MSN: variants seen among roughly 807,000 people sequenced by gnomAD.
The protein encoded by MSN is moesin, also known as epididymis luminal protein 70.
A neutral mutation model predicts 48.0 loss-of-function variants in MSN; 2 were observed. The ratio of observed to expected loss-of-function variants is 0.04; its 90% CI spans 0.02 to 0.13. MSN has a LOEUF of 0.13. MSN is among the 10% of genes least tolerant of loss of function. The pLI, the probability that MSN is intolerant of heterozygous loss-of-function variation, is 1.00. For synonymous variants in MSN, 146 were observed against 166.9 expected (o/e 0.87, Z 0.97); for missense variants, 267 against 470.1 (o/e 0.57, Z 3.99).
chrX:65,703,307 T>C (rs1464402126), intron 1 of MSN, among the ~76,000 whole-genome samples: 1 of 111,478 alleles, frequency 9.0e-6, no homozygotes, highest in Non-Finnish European at 1.9e-5. Flanking sequence ...GTCTGTTATG[T>C]TAACTTAAAT....
chrX:65,598,716 G>T (rs757002676), intron 1 of MSN, among the ~76,000 whole-genome samples: 1 of 111,547 alleles, frequency 9.0e-6, no homozygotes, highest in Non-Finnish European at 1.9e-5. Flanking sequence ...CTTGAGGTTT[G>T]TCAGTCTGTC....
At chrX:65,676,167 G>A (rs1423150194) in intron 1 of MSN, among the ~76,000 whole-genome samples, 1 of 112,024 alleles carries the variant, frequency 8.9e-6, no homozygotes, top group Non-Finnish European at 1.9e-5. Flanking sequence ...GGTTGTTAGA[G>A]GTGGAGGAGT....
chrX:65,662,231 G>A (rs907842810), intron 1 of MSN, among the ~76,000 whole-genome samples: 5 of 112,319 alleles, frequency 4.5e-5, no homozygotes, highest in Admixed American at 9.5e-5. Context: ...CAGATTCAAC[G>A]TTATTCCCAT....
At chrX:65,598,022 G>C (rs775338264) in intron 1 of MSN, among the ~76,000 whole-genome samples, 66 of 111,374 alleles carry the variant, frequency 5.9e-4, no homozygotes, top group Non-Finnish European at 8.7e-4. Flanking sequence ...CCTTCCCAAG[G>C]AGCAGGGAAC....
chrX:65,609,697 C>T (rs1170511354), intron 1 of MSN, among the ~76,000 whole-genome samples: 1 of 111,577 alleles, frequency 9.0e-6, no homozygotes, highest in Non-Finnish European at 1.9e-5. Context: ...TCCTGGCTAA[C>T]ACGGTGAAAC....
chrX:65,631,238 C>A (rs1240911989), intron 1 of MSN, among the ~76,000 whole-genome samples: 1 of 109,981 alleles, frequency 9.1e-6, no homozygotes, highest in Non-Finnish European at 1.9e-5. Context: ...GGATTACAGG[C>A]GCCCACCACC....
intron 1 of MSN, among the ~76,000 whole-genome samples, chrX:65,615,334 G>A (rs1327117029): frequency 4.6e-5 from 5 of 107,941 alleles, no homozygotes; most frequent in Non-Finnish European, 9.5e-5. Context: ...GTGTAAAAGT[G>A]TTCCTATTTC....
intron 1 of MSN, among the ~76,000 whole-genome samples, chrX:65,701,232 A>T (rs2071300330): frequency 9.0e-6 from 1 of 111,716 alleles, no homozygotes; most frequent in South Asian, 3.7e-4. Flanking sequence ...AAGTATCTGA[A>T]CTGTCTGTTT....
At chrX:65,715,415 G>A (rs968388853) in intron 1 of MSN, among the ~76,000 whole-genome samples, 1 of 111,832 alleles carries the variant, frequency 8.9e-6, no homozygotes. Context: ...ATTGCTTTGG[G>A]CAGTATCACC....
At chrX:65,655,830 G>A (rs2070776932) in intron 1 of MSN, among the ~76,000 whole-genome samples, 1 of 112,260 alleles carries the variant, frequency 8.9e-6, no homozygotes, top group African/African-American at 3.2e-5. Context: ...GCAGTGGCGT[G>A]ACCTTGGCTC....
At chrX:65,685,008 G>A (rs2071099558) in intron 1 of MSN, among the ~76,000 whole-genome samples, 1 of 112,559 alleles carries the variant, frequency 8.9e-6, no homozygotes, top group East Asian at 2.8e-4. Flanking sequence ...CAAAGTGTTG[G>A]GATTAAAGGC....
At chrX:65,673,532 G>A (rs980855031) in intron 1 of MSN, among the ~76,000 whole-genome samples, 2 of 108,301 alleles carry the variant, frequency 1.8e-5, no homozygotes, top group Non-Finnish European at 3.8e-5. Flanking sequence ...TCAGCTCACT[G>A]CAACCTCCAC....
chrX:65,687,960 C>A lies in MSN; in HGVS notation c.12+20107C>A, dbSNP rs1004694624. On this transcript the variant is annotated intron_variant, in intron 1 of 12. Coordinates refer to ENST00000360270, the MANE Select transcript of MSN (RefSeq NM_002444.3). ...GCTTAACATCCCAGAAAAAGAAATTCTAGGGTTAGGAAGCTGGAAAGGATT... is the reference window on the plus strand; with the variant it reads ...GCTTAACATCCCAGAAAAAGAAATTATAGGGTTAGGAAGCTGGAAAGGATT... 3.6e-5 allele frequency among the ~76,000 whole-genome samples: 4 copies of A among 111,859 alleles called. No homozygotes were observed. In the Admixed American group the frequency reaches 3.8e-4, roughly 11 times the overall value.
At position 65,649,500 on chromosome X, in the gene MSN, C is replaced by T. The variant is rs1406357946; in HGVS notation, c.-22+60888C>T. ...CTGAGGCAGGAGATTTGCTTGAACC[C>T]GGGAGGCGGAGGTTGCAGTGAGCCG... On this transcript the variant is annotated intron_variant, in intron 1 of 3. Transcript: ENST00000609672. Among the ~76,000 whole-genome samples, 4 of 101,271 alleles carry T rather than the reference C, an allele frequency of 3.9e-5. 1 individual carries two copies. Among genetic ancestry groups the T allele is most frequent in the Admixed American group, 1.1e-4 (1 of 9,072 alleles). 87.9% of individuals were successfully genotyped at this position (101,271 alleles called of 115,157 possible).
Position 65,706,685 on chromosome X carries a change from CTCCAGGAATG to C in MSN, c.13-10127_13-10118del, listed in dbSNP as rs748099227. Among the ~76,000 whole-genome samples, 178 of 111,976 alleles carry C rather than the reference CTCCAGGAATG, an allele frequency of 1.6e-3. 1 individual carries two copies. Among genetic ancestry groups the C allele is most frequent in the African/African-American group, 5.7e-3 (175 of 30,795 alleles). ...GAGGTGGGTGGAGTTGTGGAAGGAG[CTCCAGGAATG>C]TCCAGAAGACCCGCCTCCACTACTT... On this transcript the variant is annotated intron_variant, in intron 1 of 12. Transcript: ENST00000360270.
At chrX:65,723,817 C>G (rs7062766) in intron 2 of MSN, among the ~76,000 whole-genome samples, 19,496 of 110,759 alleles carry the variant, frequency 0.18, 4,242 homozygotes, top group African/African-American at 0.61. Context: ...TGTTCTTTTT[C>G]AGTTTCAATT....
chrX:65,675,175 G>A, intron 1 of MSN, among the ~76,000 whole-genome samples: 1 of 112,150 alleles, frequency 8.9e-6, no homozygotes, highest in Non-Finnish European at 1.9e-5. Flanking sequence ...TTTACCATAA[G>A]GGATAGAAAT....
chrX:65,719,813 G>A, intron 2 of MSN, among the ~76,000 whole-genome samples: 1 of 111,711 alleles, frequency 9.0e-6, no homozygotes, highest in Non-Finnish European at 1.9e-5. Context: ...GCATTGCAGG[G>A]GGATGGCTGT....
At chrX:65,695,523 A>AAAC (rs2071227097) in intron 1 of MSN, among the ~76,000 whole-genome samples, 1 of 107,113 alleles carries the variant, frequency 9.3e-6, no homozygotes, top group African/African-American at 3.4e-5. Context: ...AAAAAAAAAA[A>AAAC]AAAAAAAAAA....
Sources: gnomAD v4.1 joint callset for allele counts (sites outside exome capture counted in the v4.1 genomes callset) on GRCh38, gnomAD v4.1.1 for gene constraint, MANE v1.5 for transcripts, NCBI Gene and HGNC (gene_info 2026-07-23, HGNC 2026-07-21) for gene names.